The following ACAT2 variants were observed in gnomAD, a reference collection of about 807,000 sequenced individuals.
The protein encoded by ACAT2 is acetyl-CoA acetyltransferase 2.
In ACAT2, 26 loss-of-function variants were observed where a neutral mutation model predicts 37.1. The ratio of observed to expected loss-of-function variants is 0.70; its 90% CI spans 0.51 to 0.97. ACAT2 has a LOEUF of 0.97. Ranked by LOEUF, ACAT2 falls within the 50% of genes least tolerant of loss-of-function variation. The pLI is 0.00. For missense variants in ACAT2, 468 were observed against 489.0 expected, an observed-to-expected ratio of 0.96 and a Z score of 0.40; for synonymous variants, 156 against 163.6, an observed-to-expected ratio of 0.95 and a Z score of 0.35.
Position 159,776,187 on chromosome 6 carries a change from T to C in ACAT2, c.672T>C (p.His224=), listed in dbSNP as rs1371556945. 1 of 1,614,150 alleles carries C rather than the reference T, an allele frequency of 6.2e-7. No individual in the cohort carries two copies. Among genetic ancestry groups the C allele is most frequent in the Non-Finnish European group, 8.5e-7 (1 of 1,180,000 alleles). The change falls in exon 6 of 9, where the codon CAT becomes CAC. Residue 224 remains histidine, a synonymous_variant. Transcript: ENST00000367048. ...IEVKTDEFPR[H]GSNIEAMSKL... ...TTAAAACAGATGAGTTTCCTCGCCATGGGAGCAACATAGAAGCCATGTCCA... is the reference window on the plus strand; with the variant it reads ...TTAAAACAGATGAGTTTCCTCGCCACGGGAGCAACATAGAAGCCATGTCCA...
intron 1 of ACAT2, chr6:159,762,443 G>C (rs1780161959): frequency 7.4e-7 from 1 of 1,351,384 alleles, no homozygotes; most frequent in Non-Finnish European, 9.5e-7. Flanking sequence ...GTTCTCCTCC[G>C]GGGCCCCTGA....
In ACAT2 at chr6:159,768,658, GC is replaced by G. The variant is rs745801996; in HGVS notation, c.490+31del. ...GGCAGACATGGCTGAAACTGTATTA[GC>G]TTTAAAAAGGTTAAAAAGACCATAT... On this transcript the variant is annotated intron_variant, in intron 4 of 8. Transcript: ENST00000367048. 24 of 1,506,538 alleles carry G rather than the reference GC, an allele frequency of 1.6e-5. No homozygotes were observed. The East Asian group carries it at 5.4e-4, about 34-fold the overall frequency. The allele number at this position is 1,506,538 out of a possible 1,614,324, so 93.3% of individuals were successfully genotyped here.
At position 159,762,051 on chromosome 6, in the gene ACAT2, C is replaced by G; in HGVS notation, c.-37C>G. On this transcript the variant is annotated 5_prime_UTR_variant, in exon 1 of 9. Transcript: ENST00000367048. ...GCGAGGAGGAGCTTTGCCTAGCTTG[C>G]AGGCAGCGCAGGGCAGACGGCGGCA... 6.2e-7 allele frequency: 1 copy of G among 1,609,344 alleles called. No individual in the cohort carries two copies. Among genetic ancestry groups the G allele is most frequent in the Non-Finnish European group, 8.5e-7 (1 of 1,177,438 alleles).
At chr6:159,774,265 C>CTT (rs1237457081) in intron 4 of ACAT2, among the ~76,000 whole-genome samples, 27 of 152,142 alleles carry the variant, frequency 1.8e-4, no homozygotes, top group African/African-American at 6.5e-4. Flanking sequence ...AAATATCAAG[C>CTT]TTAAGAAGCA....
chr6:159,763,628 CCTTT>C (rs1780198070), intron 2 of ACAT2, among the ~76,000 whole-genome samples: 1 of 104,056 alleles, frequency 9.6e-6, no homozygotes, highest in African/African-American at 3.6e-5. Context: ...CTTTTCTTTT[CCTTT>C]TTTTTTTTTT....
rs368969365 is a variant in ACAT2, at chr6:159,762,046, G to T, written c.-42G>T. 7.4e-4 allele frequency: 1,194 copies of T among 1,608,442 alleles called. No homozygotes were observed. The highest frequency in any genetic ancestry group is 9.3e-4 in the Non-Finnish European group (1,094 of 1,177,052). ...GGGCTGCGAGGAGGAGCTTTGCCTA[G>T]CTTGCAGGCAGCGCAGGGCAGACGG... On this transcript the variant is annotated 5_prime_UTR_variant, in exon 1 of 9. Coordinates refer to ENST00000367048, the MANE Select transcript of ACAT2 (RefSeq NM_005891.3).
chr6:159,765,001 G>C (rs1478623117), intron 2 of ACAT2, among the ~76,000 whole-genome samples: 1 of 152,142 alleles, frequency 6.6e-6, no homozygotes, highest in Non-Finnish European at 1.5e-5. Flanking sequence ...TTTGTGCCAG[G>C]CACTATTTTA....
At chr6:159,773,247 A>C (rs570472794) in intron 4 of ACAT2, among the ~76,000 whole-genome samples, 1 of 152,298 alleles carries the variant, frequency 6.6e-6, no homozygotes, top group South Asian at 2.1e-4. Context: ...CTCAAAATGC[A>C]GTATGAACTC....
chr6:159,763,065 T>C lies in ACAT2; in HGVS notation c.190+12T>C. 6.2e-7 allele frequency: 1 copy of C among 1,606,316 alleles called. No individual in the cohort carries two copies. On this transcript the variant is annotated intron_variant, in intron 2 of 8. Coordinates refer to ENST00000367048, the MANE Select transcript of ACAT2 (RefSeq NM_005891.3). The stretch of plus-strand genomic sequence containing the variant: ...TGTCTTGGCAGCAGGTAAGTCTCAG[T>C]GATTCCAGGAGAAGTCAGGCTTATT...
At chr6:159,767,556 CA>C (rs925306406) in intron 3 of ACAT2, among the ~76,000 whole-genome samples, 3 of 152,190 alleles carry the variant, frequency 2.0e-5, no homozygotes, top group African/African-American at 7.2e-5. Context: ...CTGCACATGA[CA>C]AGGAGATCCT....
At position 159,778,273 on chromosome 6, in the gene ACAT2, C is replaced by A. The variant is rs1343398161; in HGVS notation, c.1016C>A (p.Pro339Gln). ...ATAGTTAAAGAACTTGGATTAAACC[C>A]AGAGAAGGTAAAGATGCACAAGTAA... ...AAIVKELGLN[P>Q]EKVNIEGGAI... The change falls in exon 8 of 9, where the codon CCA (proline) becomes CAA (glutamine). Residue 339 changes from proline (P) to glutamine (Q), a missense_variant. Physicochemically the swap from Pro to Gln is moderately conservative, Grantham distance 76. Transcript: ENST00000367048. The A allele has an allele frequency of 5.6e-6, 9 of 1,602,336 alleles. No individual in the cohort carries two copies. Among genetic ancestry groups the A allele is most frequent in the South Asian group, 1.1e-5 (1 of 90,068 alleles).
At chr6:159,776,494 C>T (rs1390669876) in intron 6 of ACAT2, among the ~76,000 whole-genome samples, 1 of 152,106 alleles carries the variant, frequency 6.6e-6, no homozygotes, top group African/African-American at 2.4e-5. Flanking sequence ...AGCTGGGGGA[C>T]TACAGGCATG....
chr6:159,763,200 T>C (rs1005482274), intron 2 of ACAT2, 147 bp downstream of exon 2: 14 of 1,109,830 alleles, frequency 1.3e-5, no homozygotes, highest in African/African-American at 6.3e-5. Context: ...CCCTCTGTTA[T>C]GATTCCTCCT....
chr6:159,777,164 A>G, intron 6 of ACAT2, 138 bp from the exon 7 acceptor site: 2 of 984,150 alleles, frequency 2.0e-6, no homozygotes, highest in South Asian at 1.6e-5. Context: ...ATTTCTATGT[A>G]AAGTCTGTTG....
chr6:159,765,126 CT>C (rs1305586610), intron 2 of ACAT2, among the ~76,000 whole-genome samples: 3 of 151,914 alleles, frequency 2.0e-5, no homozygotes, highest in African/African-American at 7.3e-5. Flanking sequence ...CTTTCTTTTT[CT>C]TTTTTTGAGA....
At chr6:159,765,680 C>CCG (rs1562475990) in intron 2 of ACAT2, among the ~76,000 whole-genome samples, 6 of 19,910 alleles carry the variant, frequency 3.0e-4, no homozygotes, top group South Asian at 1.4e-3. Context: ...AATGCGCCCC[C>CCG]CTCCCCCGGC....
chr6:159,768,441 T>G, intron 3 of ACAT2, 70 bp from the exon 4 acceptor site: 1 of 1,132,400 alleles, frequency 8.8e-7, no homozygotes, highest in Non-Finnish European at 1.3e-6. Flanking sequence ...ACTAGATAGT[T>G]TTGAGTTGTA....
At position 159,763,956 on chromosome 6, in the gene ACAT2, C is replaced by T. The variant is rs577137426; in HGVS notation, c.190+903C>T. On this transcript the variant is annotated intron_variant, in intron 2 of 8. Coordinates refer to ENST00000367048, the MANE Select transcript of ACAT2 (RefSeq NM_005891.3). ...TTCTACTAAAAATACAAAAAATTAG[C>T]CGGGTGTGGTGGCGGGCGCCTGTAT... Among the ~76,000 whole-genome samples the T allele has an allele frequency of 7.3e-5, 11 of 151,718 alleles. No homozygotes were observed. In the East Asian group the frequency reaches 2.2e-3, roughly 30 times the overall value.
At chr6:159,768,279 G>T (rs2114978814) in intron 3 of ACAT2, among the ~76,000 whole-genome samples, 1 of 152,296 alleles carries the variant, frequency 6.6e-6, no homozygotes, top group South Asian at 2.1e-4. Flanking sequence ...GTTTGAGGGA[G>T]AATTGAAAAT....
Sources: gnomAD v4.1 joint callset for allele counts (sites outside exome capture counted in the v4.1 genomes callset) on GRCh38, gnomAD v4.1.1 for gene constraint, MANE v1.5 for transcripts, NCBI Gene and HGNC (gene_info 2026-07-23, HGNC 2026-07-21) for gene names.